Variants in DDX49 observed in about 807,000 individuals in gnomAD.
The protein encoded by DDX49 is DEAD-box helicase 49, also known as probable ATP-dependent RNA helicase DDX49.
A neutral mutation model predicts 56.3 loss-of-function variants in DDX49; 50 were observed. The observed-to-expected ratio is 0.89, with a 90% CI of 0.71 to 1.12. The LOEUF is 1.12. Ranked by LOEUF, DDX49 falls within the 50% of genes most tolerant of loss-of-function variation. The pLI, the probability that DDX49 is intolerant of heterozygous loss-of-function variation, is 0.00. For missense variants in DDX49, 614 were observed against 650.5 expected (o/e 0.94, Z 0.61); for synonymous variants, 269 against 270.6 (o/e 0.99, Z 0.06).
At position 18,928,543 on chromosome 19, in the gene DDX49, C is replaced by G. The variant is rs952818145; in HGVS notation, c.*227C>G. 3 of 542,600 alleles carry G rather than the reference C, an allele frequency of 5.5e-6. No individual in the cohort carries two copies. Among genetic ancestry groups the G allele is most frequent in the Admixed American group, 7.3e-5 (2 of 27,372 alleles). The allele number at this position is 542,600 out of a possible 1,614,324, so 33.6% of individuals were successfully genotyped here. On this transcript the variant is annotated 3_prime_UTR_variant, in exon 13 of 13. Coordinates refer to ENST00000247003, the MANE Select transcript of DDX49 (RefSeq NM_019070.5). ...GGCTGCAGGGGAAGAAAGAACATGA[C>G]CGGGAGGTTGTGACCCCAACCCAAG...
rs1023957279 is a variant in DDX49 at position 18,920,567 on chromosome 19, G to A, written c.116-13G>A. ...ACATGGAGGGTGTTGATGCTGCTTT[G>A]TCCCCAACCCAGGTCGAGACTGCTT... On this transcript the variant is annotated splice_polypyrimidine_tract_variant and intron_variant, in intron 1 of 12. Coordinates refer to ENST00000247003, the MANE Select transcript of DDX49 (RefSeq NM_019070.5). 6.3e-7 allele frequency: 1 copy of A among 1,585,736 alleles called. No homozygotes were observed. The highest frequency in any genetic ancestry group is 8.6e-7 in the Non-Finnish European group (1 of 1,157,538).
intron 10 of DDX49, 151 bp downstream of exon 10, chr19:18,926,528 AAAGAAGT>A (rs769870439): frequency 2.5e-6 from 2 of 798,914 alleles, no homozygotes; most frequent in Non-Finnish European, 2.0e-6. Context: ...GGCACCCCCA[AAAGAAGT>A]TCTTTTGCCC....
chr19:18,926,467 A>C (rs1601256138), intron 10 of DDX49, 90 bp downstream of exon 10: 3 of 1,231,604 alleles, frequency 2.4e-6, no homozygotes, highest in Non-Finnish European at 1.2e-6. Context: ...CCCGTCAGAC[A>C]CCAGCCGGCC....
chr19:18,923,296 C>T (rs558623952), intron 6 of DDX49, among the ~76,000 whole-genome samples: 9 of 152,168 alleles, frequency 5.9e-5, no homozygotes, highest in South Asian at 2.1e-4. Flanking sequence ...CCGAGGTAGG[C>T]GGATCACCTG....
At chr19:18,923,074 G>C (rs1043667518) in intron 6 of DDX49, among the ~76,000 whole-genome samples, 1 of 152,152 alleles carries the variant, frequency 6.6e-6, no homozygotes, top group East Asian at 1.9e-4. Context: ...AACAGGCCTG[G>C]TGTGCGTCTG....
chr19:18,927,572 T>G (rs1568331672), intron 10 of DDX49, among the ~76,000 whole-genome samples, 194 bp from the exon 11 acceptor site: 1 of 152,010 alleles, frequency 6.6e-6, no homozygotes, highest in Admixed American at 6.6e-5. Context: ...TGGGTGACCG[T>G]GAGACTCTGA....
Position 18,921,848 on chromosome 19 carries a change from GTGGCCC to G in DDX49, c.332_337del (p.Val111_Gln113delinsGlu). 1.9e-6 allele frequency: 3 copies of G among 1,614,016 alleles called. No homozygotes were observed. The highest frequency in any genetic ancestry group is 8.5e-7 in the Non-Finnish European group (1 of 1,179,978). On this transcript the variant is annotated inframe_deletion, in exon 4 of 13. Transcript: ENST00000247003. ...TCTCATGCTCTGTCCCCCAGACATGGTGGCCCAGGCGCTGGAGCTCTCTCGGAAACC... is the reference window on the plus strand; with the variant it reads ...TCTCATGCTCTGTCCCCCAGACATGGAGGCGCTGGAGCTCTCTCGGAAACC...
In DDX49 at chr19:18,928,539, A is replaced by G; in HGVS notation, c.*223A>G. ...TTCAGGCTGCAGGGGAAGAAAGAAC[A>G]TGACCGGGAGGTTGTGACCCCAACC... On this transcript the variant is annotated 3_prime_UTR_variant, in exon 13 of 13. Coordinates refer to ENST00000247003, the MANE Select transcript of DDX49 (RefSeq NM_019070.5). The G allele has an allele frequency of 1.8e-6, 1 of 543,462 alleles. No homozygotes were observed. The highest frequency in any genetic ancestry group is 3.2e-6 in the Non-Finnish European group (1 of 313,532). 33.7% of individuals were successfully genotyped at this position (543,462 alleles called of 1,614,324 possible).
Position 18,927,766 on chromosome 19 carries a change from A to G in DDX49, c.1103A>G (p.Lys368Arg), listed in dbSNP as rs758398006. The change falls in exon 11 of 13, where the codon AAG becomes AGG. Residue 368 changes from lysine to arginine, a missense_variant and splice_region_variant. Transcript: ENST00000247003. ...HLVHAIEEQIKKKLEEFSVEE... is the reference protein window; with the variant it reads ...HLVHAIEEQIRKKLEEFSVEE... ...ACCCCCGGCTTTGCTGTCCCCACAG[A>G]GAAGAAGCTGGAGGAGTTCTCCGTG... The G allele has an allele frequency of 6.2e-7, 1 of 1,613,552 alleles. No individual in the cohort carries two copies. The highest frequency in any genetic ancestry group is 1.1e-5 in the South Asian group (1 of 91,032).
intron 6 of DDX49, among the ~76,000 whole-genome samples, 163 bp downstream of exon 6, chr19:18,922,907 G>C (rs955036304): frequency 6.6e-6 from 1 of 152,204 alleles, no homozygotes; most frequent in Non-Finnish European, 1.5e-5. Context: ...CAATCTGAAG[G>C]TGCAGCCGGC....
At chr19:18,925,119 C>T in intron 9 of DDX49, 140 bp downstream of exon 9, 1 of 1,206,064 alleles carries the variant, frequency 8.3e-7, no homozygotes, top group Non-Finnish European at 1.1e-6. Context: ...GGGGAGTTGT[C>T]CTTTCTAAAG....
chr19:18,927,801 G>A lies in DDX49; in HGVS notation c.1138G>A (p.Glu380Lys), dbSNP rs747088880. 21 of 1,613,858 alleles carry A rather than the reference G, an allele frequency of 1.3e-5. No individual in the cohort carries two copies. The highest frequency in any genetic ancestry group is 4.5e-5 in the East Asian group (2 of 44,844). ...GGAGGAGTTCTCCGTGGAAGAGGCC[G>A]AGGTGCTACAGATCCTCACACAGGT... ...KLEEFSVEEA[E>K]VLQILTQVNV... Residue 380 changes from glutamate to lysine, a missense_variant, in exon 11 of 13, where the codon GAG (glutamate) becomes AAG (lysine). Coordinates refer to ENST00000247003, the MANE Select transcript of DDX49 (RefSeq NM_019070.5).
In DDX49 at chr19:18,928,243, G is replaced by A; in HGVS notation, c.1379G>A (p.Gly460Asp). ...TLKRQKAGRA[G>D]HKGRPPRTPS... ...AAGCGACAGAAGGCTGGCAGGGCTG[G>A]CCACAAGGGGCGTCCACCCAGGACA... The change falls in exon 13 of 13, where the codon GGC becomes GAC. Residue 460 changes from glycine to aspartate, a missense_variant. Transcript: ENST00000247003. The A allele has an allele frequency of 6.3e-7, 1 of 1,587,502 alleles. No individual in the cohort carries two copies. Among genetic ancestry groups the A allele is most frequent in the Non-Finnish European group, 8.6e-7 (1 of 1,167,118 alleles).
Position 18,927,969 on chromosome 19 carries a change from T to C in DDX49, c.1196T>C (p.Leu399Pro), listed in dbSNP as rs2056976676. The C allele has an allele frequency of 6.2e-7, 1 of 1,613,262 alleles. No homozygotes were observed. Among genetic ancestry groups the C allele is most frequent in the African/African-American group, 1.3e-5 (1 of 74,642 alleles). The change falls in exon 12 of 13, where the codon CTG (leucine) becomes CCG (proline). Residue 399 changes from leucine (L) to proline (P), a missense_variant. Coordinates refer to ENST00000247003, the MANE Select transcript of DDX49 (RefSeq NM_019070.5). Reference protein sequence around the residue: ...NVVRRECEIKLEAAHFDEKKE... With the variant: ...NVVRRECEIKPEAAHFDEKKE... ...TACCCCACTTCCCTCCACCAGAAAC[T>C]GGAGGCGGCCCACTTTGACGAAAAG...
In DDX49 at chr19:18,922,159, G is replaced by A. The variant is rs1451784083; in HGVS notation, c.448-167G>A. 1.0e-5 allele frequency: 12 copies of A among 1,156,706 alleles called. No homozygotes were observed. The East Asian group carries it at 3.1e-4, about 30-fold the overall frequency. The allele number at this position is 1,156,706 out of a possible 1,614,324, so 71.7% of individuals were successfully genotyped here. A position where few individuals can be genotyped will look rare whatever the true frequency, so the allele number is the denominator to read the frequency against. ...GCCCAGTCCTAGCAATGTTATTCGG[G>A]GGTAGGGCCTTGCTGAGACTTGGGT... On this transcript the variant is annotated intron_variant, in intron 4 of 12. Coordinates refer to ENST00000247003, the MANE Select transcript of DDX49 (RefSeq NM_019070.5).
In DDX49 at chr19:18,922,727, C is replaced by G. The variant is rs200288081; in HGVS notation, c.759C>G (p.Ile253Met). The stretch of plus-strand genomic sequence containing the variant: ...AGCACGAGGACTGGTCCATTATCAT[C>G]TTCACCAACACGTGCAAGTGAGCGG... ...QDEHEDWSII[I>M]FTNTCKTCQI... Residue 253 changes from isoleucine (I) to methionine (M), a missense_variant, in exon 6 of 13, where the codon ATC (isoleucine) becomes ATG (methionine). Coordinates refer to ENST00000247003, the MANE Select transcript of DDX49 (RefSeq NM_019070.5). 2 of 1,613,504 alleles carry G rather than the reference C, an allele frequency of 1.2e-6. No homozygotes were observed. Among genetic ancestry groups the G allele is most frequent in the East Asian group, 2.2e-5 (1 of 44,882 alleles).
intron 8 of DDX49, 88 bp from the exon 9 acceptor site, chr19:18,924,794 T>G (rs924909870): frequency 1.2e-6 from 2 of 1,612,742 alleles, no homozygotes; most frequent in Non-Finnish European, 1.7e-6. Flanking sequence ...CAGGCAGCCC[T>G]AGCATCCCTG....
rs115012911 is a variant in DDX49, at chr19:18,927,820, C to T, written c.1157C>T (p.Thr386Ile). 2 of 1,613,976 alleles carry T rather than the reference C, an allele frequency of 1.2e-6. No individual in the cohort carries two copies. Among genetic ancestry groups the T allele is most frequent in the African/African-American group, 2.7e-5 (2 of 74,982 alleles). The change falls in exon 11 of 13, where the codon ACA becomes ATA. Residue 386 changes from threonine to isoleucine, a missense_variant. Physicochemically the swap from Thr to Ile is moderately conservative, Grantham distance 89 (BLOSUM62 -1). Transcript: ENST00000247003. ...GAGGCCGAGGTGCTACAGATCCTCA[C>T]ACAGGTCAACGTGGTGCGAAGAGAG... is the stretch of plus-strand genomic sequence containing the variant. The part of the protein sequence containing the change: ...VEEAEVLQIL[T>I]QVNVVRRECE...
In DDX49 at chr19:18,921,973, GC is replaced by G; in HGVS notation, c.447+13del. 2 of 1,600,786 alleles carry G rather than the reference GC, an allele frequency of 1.2e-6. No homozygotes were observed. The highest frequency in any genetic ancestry group is 1.1e-5 in the South Asian group (1 of 90,358). On this transcript the variant is annotated intron_variant, in intron 4 of 12. Coordinates refer to ENST00000247003, the MANE Select transcript of DDX49 (RefSeq NM_019070.5). ...AGAAGATCCGCTTCCTGGTGAGTTC[GC>G]CCCGCCCCTGCAGACCTCAGGAGCT... is the stretch of plus-strand genomic sequence containing the variant.
Sources: gnomAD v4.1 joint callset for allele counts (sites outside exome capture counted in the v4.1 genomes callset) on GRCh38, gnomAD v4.1.1 for gene constraint, MANE v1.5 for transcripts, NCBI Gene and HGNC (gene_info 2026-07-23, HGNC 2026-07-21) for gene names.